Variants in PRKN observed in about 807,000 individuals in gnomAD.
PRKN encodes E3 ubiquitin-protein ligase parkin.
A neutral mutation model predicts 59.5 loss-of-function variants in PRKN; 56 were observed. The observed-to-expected ratio is 0.94, with a 90% CI of 0.76 to 1.18. PRKN has a LOEUF of 1.18. Among genes scored for constraint, PRKN ranks in the 50% most tolerant of loss-of-function variants. PRKN has a pLI of 0.00. For missense variants in PRKN, 657 were observed against 596.4 expected (o/e 1.10, Z -1.06); for synonymous variants, 250 against 222.1 (o/e 1.13, Z -1.12).
At chr6:161,422,852 T>A (rs750599418) in intron 9 of PRKN, among the ~76,000 whole-genome samples, 4 of 152,158 alleles carry the variant, frequency 2.6e-5, no homozygotes, top group Non-Finnish European at 5.9e-5. Flanking sequence ...TGACCTTGCA[T>A]TCCAGACTTC....
At position 161,973,353 on chromosome 6, in the gene PRKN, A is replaced by G; in HGVS notation, c.683T>C (p.Leu228Pro). ...GATGTTCCGACTATTTGTTGCGATC[A>G]GGTGCAAAGCTACTGATGTTTCCTT... ...SDKETSVALH[L>P]IATNSRNITC... The change falls in exon 6 of 12, where the codon CTG becomes CCG. Residue 228 changes from leucine to proline, a missense_variant. Physicochemically the swap from Leu to Pro is moderately conservative, Grantham distance 98 (BLOSUM62 -3). Transcript: ENST00000366898. 1 of 1,614,056 alleles carries G rather than the reference A, an allele frequency of 6.2e-7. No individual in the cohort carries two copies. The highest frequency in any genetic ancestry group is 8.5e-7 in the Non-Finnish European group (1 of 1,179,882).
intron 8 of PRKN, among the ~76,000 whole-genome samples, chr6:161,563,652 C>G (rs1780535645): frequency 1.3e-5 from 2 of 152,122 alleles, no homozygotes; most frequent in Non-Finnish European, 2.9e-5. Context: ...TTTGGGAAGG[C>G]AGTGATACAT....
chr6:161,767,388 G>A (rs1400642090), intron 7 of PRKN, among the ~76,000 whole-genome samples: 1 of 152,120 alleles, frequency 6.6e-6, no homozygotes, highest in Non-Finnish European at 1.5e-5. Context: ...GTGGTGGCGG[G>A]CGCCTGTAGT....
At chr6:162,589,469 A>C (rs767695140) in intron 1 of PRKN, among the ~76,000 whole-genome samples, 2 of 152,128 alleles carry the variant, frequency 1.3e-5, no homozygotes, top group Admixed American at 6.6e-5. Flanking sequence ...AAGGATAGTG[A>C]CTGTATGTTT....
In PRKN at chr6:161,353,909, G is replaced by A. The variant is rs1346396719; in HGVS notation, c.1286-3698C>T. ...GCAGAACTGATTGCTTGCTTGGTGCGTGGGGAAAAACCCCCGCACATTCCG... is the reference window on the plus strand; with the variant it reads ...GCAGAACTGATTGCTTGCTTGGTGCATGGGGAAAAACCCCCGCACATTCCG... On this transcript the variant is annotated intron_variant, in intron 11 of 11. Transcript: ENST00000366898. This position sits in a 1 kb window ranked among gnomAD's most constrained non-coding sequence, Gnocchi z 4.8. 1.3e-5 allele frequency among the ~76,000 whole-genome samples: 2 copies of A among 152,122 alleles called. No individual in the cohort carries two copies. Among genetic ancestry groups the A allele is most frequent in the South Asian group, 2.1e-4 (1 of 4,824 alleles).
At chr6:161,606,396 A>G (rs1038596371) in intron 7 of PRKN, among the ~76,000 whole-genome samples, 2 of 152,158 alleles carry the variant, frequency 1.3e-5, no homozygotes, top group Admixed American at 6.5e-5. Context: ...AGGGTTTCCA[A>G]TTTTGACCAG....
intron 9 of PRKN, among the ~76,000 whole-genome samples, chr6:161,422,985 A>C (rs1788173842): frequency 6.6e-6 from 1 of 152,188 alleles, no homozygotes; most frequent in South Asian, 2.1e-4. Flanking sequence ...CTGGGCATGC[A>C]TTCAGACATT....
At chr6:161,914,402 T>C (rs187217008) in intron 6 of PRKN, among the ~76,000 whole-genome samples, 46 of 152,312 alleles carry the variant, frequency 3.0e-4, no homozygotes, top group Non-Finnish European at 4.7e-4. Flanking sequence ...TATTTCTAAG[T>C]ACACATTGGG....
At chr6:162,527,144 GCTCT>G (rs1778319864) in intron 1 of PRKN, among the ~76,000 whole-genome samples, 1 of 152,166 alleles carries the variant, frequency 6.6e-6, no homozygotes, top group South Asian at 2.1e-4. Context: ...AGGGTGATTG[GCTCT>G]CTCCCTGAGA....
intron 6 of PRKN, among the ~76,000 whole-genome samples, chr6:161,902,206 C>G (rs993018333): frequency 6.6e-6 from 1 of 152,096 alleles, no homozygotes; most frequent in Non-Finnish European, 1.5e-5. Flanking sequence ...CAGGGCACTC[C>G]CCTGGCCGGC....
rs577239188 is a variant in PRKN at position 161,352,650 on chromosome 6, A to C, written c.1286-2439T>G. ...CTTAATGAACTATTAAAGCAATTCTAAATGAAAGGGTAAGAAACTTTCCTA... is the reference window on the plus strand; with the variant it reads ...CTTAATGAACTATTAAAGCAATTCTCAATGAAAGGGTAAGAAACTTTCCTA... On this transcript the variant is annotated intron_variant, in intron 11 of 11. Coordinates refer to ENST00000366898, the MANE Select transcript of PRKN (RefSeq NM_004562.3). This position sits in a 1 kb window ranked among gnomAD's most constrained non-coding sequence, Gnocchi z 5.8. Among the ~76,000 whole-genome samples the C allele has an allele frequency of 2.6e-5, 4 of 151,288 alleles. No individual in the cohort carries two copies. In the South Asian group the frequency reaches 8.3e-4, roughly 32 times the overall value.
At chr6:161,541,650 G>A (rs143285650) in intron 9 of PRKN, among the ~76,000 whole-genome samples, 11 of 152,028 alleles carry the variant, frequency 7.2e-5, no homozygotes, top group East Asian at 3.9e-4. Flanking sequence ...GTGCAATCCC[G>A]TCTCTACTAA....
chr6:161,490,787 G>A (rs1041513154), intron 9 of PRKN, among the ~76,000 whole-genome samples: 6 of 152,226 alleles, frequency 3.9e-5, no homozygotes, highest in Middle Eastern at 6.8e-3. Context: ...ACTGGATTGT[G>A]GGGGTGGGGT....
chr6:161,889,921 T>G (rs1009952498), intron 6 of PRKN, among the ~76,000 whole-genome samples: 10 of 152,160 alleles, frequency 6.6e-5, no homozygotes, highest in Admixed American at 3.3e-4. Context: ...AAGCTTAAAA[T>G]AAAATGTAGT....
intron 6 of PRKN, among the ~76,000 whole-genome samples, chr6:161,894,284 G>A (rs1777527805): frequency 6.6e-6 from 1 of 152,074 alleles, no homozygotes; most frequent in South Asian, 2.1e-4. Flanking sequence ...CTGATTTCAT[G>A]CGAGTCTCAT....
intron 2 of PRKN, among the ~76,000 whole-genome samples, chr6:162,370,761 T>C (rs2128136721): frequency 6.6e-6 from 1 of 152,318 alleles, no homozygotes; most frequent in South Asian, 2.1e-4. Context: ...GAGTAGATGT[T>C]ACTAGTATGT....
chr6:161,441,896 G>A (rs976085205), intron 9 of PRKN, among the ~76,000 whole-genome samples: 4 of 151,854 alleles, frequency 2.6e-5, no homozygotes, highest in Admixed American at 6.6e-5. Context: ...AGCGTCTGGC[G>A]GCTGGCAAAG....
intron 1 of PRKN, among the ~76,000 whole-genome samples, chr6:162,663,492 C>A (rs888921437): frequency 6.6e-6 from 1 of 151,958 alleles, no homozygotes; most frequent in South Asian, 2.1e-4. Context: ...CTTGAAACTG[C>A]TGCATGTCCA....
rs1245191042 is a variant in PRKN, at chr6:162,727,593, GCGGGGCGTGGCGCCATAC to G, written c.7+51_7+68del. On this transcript the variant is annotated intron_variant, in intron 1 of 11. Transcript: ENST00000366898. Reference sequence around the variant, plus strand: ...GCACCGGGGGTCCTGGTCGGCCGAGGCGGGGCGTGGCGCCATACCGGGGCGTGGGGCGGCGCAGAGAGG... The same window carrying G: ...GCACCGGGGGTCCTGGTCGGCCGAGGCGGGGCGTGGGGCGGCGCAGAGAGG... 58 of 1,502,626 alleles carry G rather than the reference GCGGGGCGTGGCGCCATAC, an allele frequency of 3.9e-5. No individual in the cohort carries two copies. The African/African-American group carries it at 6.8e-4, about 18-fold the overall frequency. 93.1% of individuals were successfully genotyped at this position (1,502,626 alleles called of 1,614,324 possible).
Sources: allele counts gnomAD v4.1 joint callset (sites outside exome capture counted in the v4.1 genomes callset), GRCh38; gene constraint gnomAD v4.1.1; non-coding constraint Gnocchi (gnomAD v3.1); transcripts MANE v1.5; gene names NCBI Gene and HGNC (gene_info 2026-07-23, HGNC 2026-07-21).